Variants in TMPRSS15 observed in about 807,000 individuals in gnomAD.
TMPRSS15 encodes the protein enteropeptidase.
TMPRSS15 carries 128 observed loss-of-function variants against 125.3 expected under a neutral mutation model. That is an observed-to-expected ratio of 1.02 (90% CI 0.89 to 1.18). TMPRSS15 has a LOEUF of 1.18. TMPRSS15 is among the 50% of genes most tolerant of loss of function. The probability of loss-of-function intolerance (pLI) is 0.00; values close to 1 mark genes in which losing one functional copy is unlikely to be tolerated. For synonymous variants in TMPRSS15, 446 were observed against 423.2 expected, an observed-to-expected ratio of 1.05 and a Z score of -0.66; for missense variants, 1,283 against 1,212.7, an observed-to-expected ratio of 1.06 and a Z score of -0.86.
chr21:18,294,457 T>C lies in TMPRSS15; in HGVS notation c.2312-13A>G, dbSNP rs1390055360. 2.5e-6 allele frequency: 4 copies of C among 1,614,190 alleles called. No individual in the cohort carries two copies. The highest frequency in any genetic ancestry group is 2.2e-5 in the East Asian group (1 of 44,886). ...TTTTTTCCACAAGCTATTAAAATAA[T>C]TGGAGAAAGAGCATCTATTTCATTT... On this transcript the variant is annotated splice_polypyrimidine_tract_variant and intron_variant, in intron 20 of 24. Coordinates refer to ENST00000284885, the MANE Select transcript of TMPRSS15 (RefSeq NM_002772.3).
At chr21:18,392,613 C>T (rs774263321) in intron 3 of TMPRSS15, among the ~76,000 whole-genome samples, 17 of 152,190 alleles carry the variant, frequency 1.1e-4, no homozygotes, top group Non-Finnish European at 2.5e-4. Flanking sequence ...TCCAATGTCA[C>T]TTCCACATTT....
intron 21 of TMPRSS15, among the ~76,000 whole-genome samples, chr21:18,289,455 T>G (rs1217134127): frequency 6.6e-6 from 1 of 152,166 alleles, no homozygotes; most frequent in Non-Finnish European, 1.5e-5. Flanking sequence ...GAGGTTGCAG[T>G]GAGCCAAGAT....
At chr21:18,343,708 T>A (rs747825673) in intron 11 of TMPRSS15, 52 bp from the exon 12 acceptor site, 1 of 1,558,780 alleles carries the variant, frequency 6.4e-7, no homozygotes, top group Non-Finnish European at 8.8e-7. Flanking sequence ...TTAGAATAAG[T>A]CCTTTTCAGA....
chr21:18,476,267 C>G (rs1978878115), intron 1 of TMPRSS15, among the ~76,000 whole-genome samples: 1 of 152,212 alleles, frequency 6.6e-6, no homozygotes, highest in Non-Finnish European at 1.5e-5. Flanking sequence ...ATAAATACTT[C>G]TTGACAAGAA....
intron 16 of TMPRSS15, among the ~76,000 whole-genome samples, chr21:18,324,044 A>G (rs1398786972): frequency 6.6e-6 from 1 of 152,204 alleles, no homozygotes; most frequent in Non-Finnish European, 1.5e-5. Flanking sequence ...CTTGAAATTT[A>G]AAACTTCACA....
Position 18,326,577 on chromosome 21 carries a change from T to A in TMPRSS15, c.1781-5A>T, listed in dbSNP as rs768481803. On this transcript the variant is annotated splice_polypyrimidine_tract_variant and splice_region_variant and intron_variant, in intron 15 of 24. Coordinates refer to ENST00000284885, the MANE Select transcript of TMPRSS15 (RefSeq NM_002772.3). The stretch of plus-strand genomic sequence containing the variant: ...GGCCAGGCCCTGTGTACACAGCTGT[T>A]CCAAAGGAAAACGAGATAATCAGTG... 14 of 1,613,850 alleles carry A rather than the reference T, an allele frequency of 8.7e-6. No individual in the cohort carries two copies. Among genetic ancestry groups the A allele is most frequent in the Admixed American group, 3.3e-5 (2 of 59,984 alleles).
intron 6 of TMPRSS15, among the ~76,000 whole-genome samples, chr21:18,367,488 C>G (rs1455237472): frequency 1.3e-5 from 2 of 151,902 alleles, no homozygotes; most frequent in Non-Finnish European, 2.9e-5. Context: ...ATTCAAAGAC[C>G]ATAAAAACAA....
chr21:18,317,681 G>T (rs893079718), intron 16 of TMPRSS15, among the ~76,000 whole-genome samples: 2 of 151,902 alleles, frequency 1.3e-5, no homozygotes, highest in Non-Finnish European at 2.9e-5. Flanking sequence ...ATAACTCTAG[G>T]ATACACATCA....
At chr21:18,393,240 C>T (rs2076005815) in intron 3 of TMPRSS15, among the ~76,000 whole-genome samples, 2 of 151,970 alleles carry the variant, frequency 1.3e-5, no homozygotes, top group African/African-American at 4.8e-5. Context: ...GATGGAGAGA[C>T]ATTTATTCTC....
chr21:18,328,532 T>C (rs1436742244), intron 15 of TMPRSS15, among the ~76,000 whole-genome samples: 3 of 152,170 alleles, frequency 2.0e-5, no homozygotes, highest in African/African-American at 7.2e-5. Context: ...AGTCAATTAA[T>C]ACCAGCTGGT....
chr21:18,461,426 G>A (rs1978548923), intron 1 of TMPRSS15, among the ~76,000 whole-genome samples: 1 of 151,988 alleles, frequency 6.6e-6, no homozygotes, highest in Non-Finnish European at 1.5e-5. Context: ...TCTGTGTGGT[G>A]AGCAAAATCC....
At chr21:18,362,289 G>A (rs747706426) in intron 7 of TMPRSS15, among the ~76,000 whole-genome samples, 4 of 152,186 alleles carry the variant, frequency 2.6e-5, no homozygotes, top group Non-Finnish European at 2.9e-5. Flanking sequence ...GGAAGAAAGA[G>A]GCAGACTTGA....
chr21:18,404,694 A>G (rs1354737941), upstream of TMPRSS15, among the ~76,000 whole-genome samples: 1 of 152,044 alleles, frequency 6.6e-6, no homozygotes, highest in African/African-American at 2.4e-5. Context: ...GGCAGGAGGT[A>G]AGAAAGTTTT....
chr21:18,289,678 G>C (rs1005120185), intron 21 of TMPRSS15, among the ~76,000 whole-genome samples: 1 of 152,130 alleles, frequency 6.6e-6, no homozygotes, highest in Non-Finnish European at 1.5e-5. Context: ...GCTCTGAAAA[G>C]CTAAATTAAA....
intron 1 of TMPRSS15, 43 bp downstream of exon 1, chr21:18,403,435 T>C (rs750103725): frequency 1.2e-6 from 2 of 1,613,588 alleles, no homozygotes; most frequent in Non-Finnish European, 1.7e-6. Context: ...AGTGTGTACA[T>C]TCAGCTGAGA....
intron 16 of TMPRSS15, among the ~76,000 whole-genome samples, chr21:18,317,896 T>A (rs1236113595): frequency 3.1e-5 from 4 of 128,220 alleles, no homozygotes; most frequent in African/African-American, 8.8e-5. Context: ...TCCCATCCCA[T>A]CCCATCCCAT....
chr21:18,376,422 TCA>T (rs1301970121), intron 5 of TMPRSS15, among the ~76,000 whole-genome samples: 1 of 152,190 alleles, frequency 6.6e-6, no homozygotes, highest in Non-Finnish European at 1.5e-5. Flanking sequence ...TCTCTGCATC[TCA>T]GTCTTGAAGT....
At chr21:18,300,223 T>C (rs890556026) in intron 18 of TMPRSS15, among the ~76,000 whole-genome samples, 1 of 151,928 alleles carries the variant, frequency 6.6e-6, no homozygotes, top group African/African-American at 2.4e-5. Context: ...TCTTTCTCTC[T>C]TTTTCTTTCT....
chr21:18,270,004 T>C lies in TMPRSS15; in HGVS notation c.3025A>G (p.Arg1009Gly), dbSNP rs141033562. 3.3e-5 allele frequency: 53 copies of C among 1,613,836 alleles called. No individual in the cohort carries two copies. Among genetic ancestry groups the C allele is most frequent in the Non-Finnish European group, 4.3e-5 (51 of 1,179,884 alleles). ...NRPGVYARVS[R>G]FTEWIQSFLH ...AAACTTTGTATCCATTCGGTAAACCTTGAGACCCTGGCATACACTCCGGGG... is the reference window on the plus strand; with the variant it reads ...AAACTTTGTATCCATTCGGTAAACCCTGAGACCCTGGCATACACTCCGGGG... Residue 1009 changes from arginine to glycine, a missense_variant, in exon 25 of 25, where the codon AGG becomes GGG. Coordinates refer to ENST00000284885, the MANE Select transcript of TMPRSS15 (RefSeq NM_002772.3).
Sources: gnomAD v4.1 joint callset for allele counts (sites outside exome capture counted in the v4.1 genomes callset) on GRCh38, gnomAD v4.1.1 for gene constraint, MANE v1.5 for transcripts, NCBI Gene and HGNC (gene_info 2026-07-23, HGNC 2026-07-21) for gene names.